Variants in RIMBP2 observed in about 807,000 individuals in gnomAD.
RIMBP2 encodes RIMS binding protein 2.
A neutral mutation model predicts 118.6 loss-of-function variants in RIMBP2; 48 were observed. The observed-to-expected ratio is 0.40, with a 90% CI of 0.32 to 0.51. RIMBP2 has a LOEUF of 0.51. RIMBP2 is among the 20% of genes least tolerant of loss of function. The pLI is 0.41. For synonymous variants in RIMBP2, 762 were observed against 742.9 expected, an observed-to-expected ratio of 1.03 and a Z score of -0.42; for missense variants, 1,551 against 1,768.3, an observed-to-expected ratio of 0.88 and a Z score of 2.20.
chr12:130,555,853 C>T (rs1191760557), intron 2 of RIMBP2, among the ~76,000 whole-genome samples: 4 of 152,216 alleles, frequency 2.6e-5, no homozygotes, highest in African/African-American at 9.7e-5. Flanking sequence ...AGTTAATCGT[C>T]ATCTGGTTCC....
At chr12:130,584,938 T>A (rs906910832) in intron 2 of RIMBP2, among the ~76,000 whole-genome samples, 3 of 152,216 alleles carry the variant, frequency 2.0e-5, no homozygotes, top group African/African-American at 7.2e-5. Flanking sequence ...TCACCCAGGC[T>A]GGAATGCAGT....
intron 2 of RIMBP2, among the ~76,000 whole-genome samples, chr12:130,587,692 G>C (rs1244931284): frequency 2.8e-5 from 2 of 71,098 alleles, no homozygotes; most frequent in African/African-American, 6.7e-5. Context: ...GGTGGGGGGA[G>C]GGGGGAGGGA....
At chr12:130,634,981 G>C (rs1054425655) in intron 1 of RIMBP2, among the ~76,000 whole-genome samples, 4 of 151,846 alleles carry the variant, frequency 2.6e-5, no homozygotes, top group African/African-American at 7.3e-5. Flanking sequence ...AGAATCCAGA[G>C]CACACAAAAA....
chr12:130,402,016 G>A (rs77546172), intron 21 of RIMBP2, among the ~76,000 whole-genome samples: 1,607 of 152,318 alleles, frequency 0.011, 12 homozygotes, highest in Non-Finnish European at 0.017. Flanking sequence ...TAGAATGTGG[G>A]TGGAACTGCC....
chr12:130,493,339 G>T (rs1324961854), intron 4 of RIMBP2, among the ~76,000 whole-genome samples: 3 of 151,908 alleles, frequency 2.0e-5, no homozygotes, highest in African/African-American at 7.3e-5. Context: ...TTTTGAGATG[G>T]AATCTCGCTC....
intron 2 of RIMBP2, among the ~76,000 whole-genome samples, chr12:130,524,332 A>G (rs143727812): frequency 2.7e-5 from 4 of 149,490 alleles, no homozygotes; most frequent in Non-Finnish European, 6.0e-5. Flanking sequence ...CCAGATTCCC[A>G]GTGGCCTCAA....
chr12:130,468,822 TG>T (rs527875593), intron 6 of RIMBP2, among the ~76,000 whole-genome samples: 4 of 152,224 alleles, frequency 2.6e-5, no homozygotes, highest in Non-Finnish European at 4.4e-5. Flanking sequence ...TGCGGTCATC[TG>T]AACCCCAGGA....
chr12:130,481,226 C>A (rs1013466126), intron 4 of RIMBP2, among the ~76,000 whole-genome samples: 2 of 152,070 alleles, frequency 1.3e-5, no homozygotes, highest in African/African-American at 4.8e-5. Flanking sequence ...TGATTACATT[C>A]TTCTTGCCAG....
In RIMBP2 at chr12:130,540,439, G is replaced by C. The variant is rs368620279; in HGVS notation, c.-216-22522C>G. Among the ~76,000 whole-genome samples, 9 of 152,284 alleles carry C rather than the reference G, an allele frequency of 5.9e-5. 1 individual carries two copies. The South Asian group carries it at 1.9e-3, about 32-fold the overall frequency. On this transcript the variant is annotated intron_variant, in intron 2 of 22. Coordinates refer to ENST00000690449, the MANE Select transcript of RIMBP2 (RefSeq NM_001393629.1). ...TTTATGGATTCTTTGAAAAAACTTA[G>C]AAAATGATCCTCCCAGTCTTGAAAC...
At chr12:130,522,326 C>T (rs1375201436) in intron 2 of RIMBP2, among the ~76,000 whole-genome samples, 1 of 152,220 alleles carries the variant, frequency 6.6e-6, no homozygotes, top group African/African-American at 2.4e-5. Flanking sequence ...GTGTAACACA[C>T]TCAGTGGACA....
At position 130,450,248 on chromosome 12, in the gene RIMBP2, G is replaced by A. The variant is rs1443008860; in HGVS notation, c.533C>T (p.Ser178Phe). ...DMENERNSNT[S>F]KQRYSGKVHL... ...GACCTTCCCCGAGTATCTCTGCTTG[G>A]AGGTATTGGAATTCCGTTCATTCTC... is the stretch of plus-strand genomic sequence containing the variant. The change falls in exon 9 of 23, where the codon TCC (serine) becomes TTC (phenylalanine). Residue 178 changes from serine (S) to phenylalanine (F), a missense_variant. By Grantham distance (155) the Ser-to-Phe change is radical (BLOSUM62 -2). Around this residue, in one of 5 missense-constraint regions of RIMBP2, gnomAD observed 239 missense variants for 256.8 expected, o/e 0.93. Transcript: ENST00000690449. The surrounding 1 kb of genome is among the most constrained non-coding windows in gnomAD (Gnocchi z 4.8). 6.2e-7 allele frequency: 1 copy of A among 1,609,858 alleles called. No individual in the cohort carries two copies. Among genetic ancestry groups the A allele is most frequent in the Admixed American group, 1.7e-5 (1 of 59,714 alleles).
intron 2 of RIMBP2, among the ~76,000 whole-genome samples, chr12:130,520,248 G>T (rs943477936): frequency 6.6e-6 from 1 of 152,042 alleles, no homozygotes; most frequent in African/African-American, 2.4e-5. Context: ...AAAAGCTCAG[G>T]ATCTAAATCC....
chr12:130,642,387 G>C (rs529232504), intron 1 of RIMBP2, among the ~76,000 whole-genome samples: 1 of 152,228 alleles, frequency 6.6e-6, no homozygotes, highest in South Asian at 2.1e-4. Flanking sequence ...CGGGTTCAAG[G>C]AATTCTCCTG....
chr12:130,452,259 A>C (rs868315338), intron 7 of RIMBP2, among the ~76,000 whole-genome samples: 1 of 152,192 alleles, frequency 6.6e-6, no homozygotes, highest in Non-Finnish European at 1.5e-5. Flanking sequence ...AGTCCAAATC[A>C]GTAAGTATAA....
chr12:130,441,807 G>A (rs7306922), intron 11 of RIMBP2, 41 bp downstream of exon 11: 27 of 1,563,680 alleles, frequency 1.7e-5, no homozygotes, highest in Admixed American at 1.2e-4. Flanking sequence ...ACATCCTGGC[G>A]TTCTCTCCCT....
At chr12:130,441,518 G>A (rs4759683) in intron 11 of RIMBP2, among the ~76,000 whole-genome samples, 81,302 of 151,534 alleles carry the variant, frequency 0.54, 22,184 homozygotes, top group East Asian at 0.76. Flanking sequence ...ATCCAACTCA[G>A]TGAGTATGTG....
rs183930421 is a variant in RIMBP2, at chr12:130,424,513, C to T, written c.2758G>A (p.Gly920Ser). The change falls in exon 16 of 23, where the codon GGC becomes AGC. Residue 920 changes from glycine to serine, a missense_variant. By Grantham distance (56) the Gly-to-Ser change is moderately conservative. Around this residue, in one of 5 missense-constraint regions of RIMBP2, gnomAD observed 1,038 missense variants for 1,125.1 expected, o/e 0.92. Coordinates refer to ENST00000690449, the MANE Select transcript of RIMBP2 (RefSeq NM_001393629.1). The surrounding 1 kb of genome is among the most constrained non-coding windows in gnomAD (Gnocchi z 9.8). The stretch of plus-strand genomic sequence containing the variant: ...TCCTCTTCACTCCCACAGTCCAGGC[C>T]GCTGTCCGGGCTCCGGGTGGCCGAG... ...SRSATRSPDS[G>S]LDCGSEEDES... 4.1e-4 allele frequency: 504 copies of T among 1,232,010 alleles called. 2 individuals are homozygous for T. The highest frequency in any genetic ancestry group is 3.6e-3 in the East Asian group (113 of 31,690). The allele number at this position is 1,232,010 out of a possible 1,614,324, so 76.3% of individuals were successfully genotyped here.
intron 1 of RIMBP2, among the ~76,000 whole-genome samples, chr12:130,645,592 G>A (rs1321095102): frequency 6.6e-6 from 1 of 152,178 alleles, no homozygotes; most frequent in Non-Finnish European, 1.5e-5. Context: ...TCTCCCACTG[G>A]AGCAAGCACA....
chr12:130,664,447 G>GCACGCACACACACGTGCATGCACA (rs2063823662), intron 1 of RIMBP2, among the ~76,000 whole-genome samples: 15 of 122,414 alleles, frequency 1.2e-4, no homozygotes, highest in East Asian at 2.5e-4. Flanking sequence ...ACGCACACAC[G>GCACGCACACACACGTGCATGCACA]CACACACATG....
Sources: allele counts gnomAD v4.1 joint callset (sites outside exome capture counted in the v4.1 genomes callset), GRCh38; gene constraint gnomAD v4.1.1; regional missense constraint gnomAD v4.1.1; non-coding constraint Gnocchi (gnomAD v3.1); transcripts MANE v1.5; gene names NCBI Gene and HGNC (gene_info 2026-07-23, HGNC 2026-07-21).